The following SH3BP1 variants were observed in gnomAD, a reference collection of about 807,000 sequenced individuals.
The protein encoded by SH3BP1 is SH3 domain binding protein 1.
In SH3BP1, 46 loss-of-function variants were observed where a neutral mutation model predicts 69.8. The ratio of observed to expected loss-of-function variants is 0.66; its 90% CI spans 0.52 to 0.84. The LOEUF is 0.84. Ranked by LOEUF, SH3BP1 falls within the 40% of genes least tolerant of loss-of-function variation. The probability of loss-of-function intolerance (pLI) is 0.00; values close to 1 mark genes in which losing one functional copy is unlikely to be tolerated. For missense variants in SH3BP1, 868 were observed against 930.9 expected (o/e 0.93, Z 0.88); for synonymous variants, 403 against 378.0 (o/e 1.07, Z -0.77).
Position 37,650,525 on chromosome 22 carries a change from G to T in SH3BP1, c.1415-17G>T, listed in dbSNP as rs376669485. On this transcript the variant is annotated splice_polypyrimidine_tract_variant and intron_variant, in intron 15 of 17. Coordinates refer to ENST00000649765, the MANE Select transcript of SH3BP1 (RefSeq NM_018957.6). ...GGCGCGGTCTCTGAGAGCCGTCTCC[G>T]CTCCTTCTGTCTCCAGACATCAACT... is the stretch of plus-strand genomic sequence containing the variant. 12 of 1,599,820 alleles carry T rather than the reference G, an allele frequency of 7.5e-6. No individual in the cohort carries two copies. In the Admixed American group the frequency reaches 1.4e-4, roughly 18 times the overall value.
intron 4 of SH3BP1, 38 bp downstream of exon 4, chr22:37,642,653 C>T (rs1462306906): frequency 2.5e-6 from 4 of 1,612,708 alleles, no homozygotes; most frequent in Non-Finnish European, 3.4e-6. Flanking sequence ...CCTGGGGATA[C>T]CAAGACGTGA....
chr22:37,646,284 G>A (rs1233422069), intron 10 of SH3BP1, among the ~76,000 whole-genome samples: 1 of 137,222 alleles, frequency 7.3e-6, no homozygotes, highest in Admixed American at 7.2e-5. Context: ...TTTGAGACAG[G>A]ATCTCGCTCT....
chr22:37,646,073 T>C (rs1159420481), intron 10 of SH3BP1, among the ~76,000 whole-genome samples: 1 of 150,910 alleles, frequency 6.6e-6, no homozygotes, highest in Non-Finnish European at 1.5e-5. Flanking sequence ...TTCAAGCGAT[T>C]CTCCTGCCTC....
At chr22:37,639,908 G>C in intron 1 of SH3BP1, 62 bp downstream of exon 1, 2 of 1,315,480 alleles carry the variant, frequency 1.5e-6, no homozygotes, top group Non-Finnish European at 1.0e-6. Context: ...GTCGTAAAAG[G>C]GTCGGGGGAG....
At chr22:37,646,100 G>A (rs1231630056) in intron 10 of SH3BP1, among the ~76,000 whole-genome samples, 2 of 150,518 alleles carry the variant, frequency 1.3e-5, no homozygotes, top group Non-Finnish European at 2.9e-5. Context: ...ACAAGTAGCT[G>A]GGACTACAGG....
rs1280306271 is a variant in SH3BP1, at chr22:37,653,963, C to G, written c.1693+90C>G. On this transcript the variant is annotated intron_variant, in intron 17 of 17. Coordinates refer to ENST00000649765, the MANE Select transcript of SH3BP1 (RefSeq NM_018957.6). Reference sequence around the variant, plus strand: ...CAGGTCCTCCTATCTTTTTAGGCAGCCAGGGGAGGCCAGGAGTCAAGGTGA... The same window carrying G: ...CAGGTCCTCCTATCTTTTTAGGCAGGCAGGGGAGGCCAGGAGTCAAGGTGA... The G allele has an allele frequency of 6.7e-6, 6 of 898,956 alleles. No individual in the cohort carries two copies. The East Asian group carries it at 1.5e-4, about 23-fold the overall frequency. The allele number at this position is 898,956 out of a possible 1,614,324, so 55.7% of individuals were successfully genotyped here.
At position 37,655,438 on chromosome 22, in the gene SH3BP1, ACCCCCGTTAC is replaced by A; in HGVS notation, c.1866_1875del (p.Leu623HisfsTer32). ...GCAGCCTCCGAGCCCCCACAGTGCC[ACCCCCGTTAC>A]CCCCCACACCCCCTCAGCCTGCCCG... On this transcript the variant is annotated frameshift_variant, in exon 18 of 18. Coordinates refer to ENST00000649765, the MANE Select transcript of SH3BP1 (RefSeq NM_018957.6). LOFTEE classifies it low-confidence loss of function (END_TRUNC). 2.5e-6 allele frequency: 1 copy of A among 401,356 alleles called. No individual in the cohort carries two copies. The highest frequency in any genetic ancestry group is 3.5e-6 in the Non-Finnish European group (1 of 287,080). The allele number at this position is 401,356 out of a possible 1,614,324, so 24.9% of individuals were successfully genotyped here.
At position 37,641,173 on chromosome 22, in the gene SH3BP1, G is replaced by A. The variant is rs866153737; in HGVS notation, c.102+5G>A. 6.5e-7 allele frequency: 1 copy of A among 1,542,808 alleles called. No individual in the cohort carries two copies. The highest frequency in any genetic ancestry group is 1.2e-5 in the South Asian group (1 of 83,910). On this transcript the variant is annotated splice_donor_5th_base_variant and intron_variant, in intron 2 of 17. Coordinates refer to ENST00000649765, the MANE Select transcript of SH3BP1 (RefSeq NM_018957.6). ...CTGGGTGAGGACCTGCTGCAGGTAC[G>A]TGCCTGGGCCGGGCAGGTGGGAAGG...
intron 17 of SH3BP1, among the ~76,000 whole-genome samples, chr22:37,654,771 G>C (rs991527817): frequency 6.6e-6 from 1 of 151,996 alleles, no homozygotes; most frequent in Non-Finnish European, 1.5e-5. Context: ...ACAGCTCTGG[G>C]AGCCTCGTGA....
chr22:37,644,099 GC>G (rs1403147625), intron 7 of SH3BP1, among the ~76,000 whole-genome samples: 5 of 152,354 alleles, frequency 3.3e-5, no homozygotes, highest in East Asian at 3.9e-4. Context: ...ACTGTGCAAG[GC>G]CAGGCGCGGT....
In SH3BP1 at chr22:37,639,832, G is replaced by A. The variant is rs372881744; in HGVS notation, c.45G>A (p.Thr15=). 311 of 1,572,366 alleles carry A rather than the reference G, an allele frequency of 2.0e-4. No homozygotes were observed. The highest frequency in any genetic ancestry group is 2.5e-4 in the Non-Finnish European group (296 of 1,161,668). ...QLHRMRQLAQ[T]GSLGRTPETA... is the part of the protein sequence containing the mutation. Reference sequence around the variant, plus strand: ...ACCGCATGCGGCAGCTGGCCCAGACGGGCAGCTTGGGACGGTGAGTGTCAC... The same window carrying A: ...ACCGCATGCGGCAGCTGGCCCAGACAGGCAGCTTGGGACGGTGAGTGTCAC... The change falls in exon 1 of 18, where the codon ACG becomes ACA. Residue 15 remains threonine (T), a synonymous_variant. Coordinates refer to ENST00000649765, the MANE Select transcript of SH3BP1 (RefSeq NM_018957.6).
intron 7 of SH3BP1, among the ~76,000 whole-genome samples, chr22:37,644,069 T>C (rs1456015166): frequency 6.6e-6 from 1 of 152,160 alleles, no homozygotes; most frequent in Non-Finnish European, 1.5e-5. Context: ...AAAGAATGAC[T>C]GAATGGTGAA....
chr22:37,653,890 A>G lies in SH3BP1; in HGVS notation c.1693+17A>G, dbSNP rs1601591195. ...CTCGGAGGAGTGAGTTGGCTGTGGG[A>G]GGGGAGGAGGGGACAGAGGGTGGGC... is the stretch of plus-strand genomic sequence containing the variant. On this transcript the variant is annotated intron_variant, in intron 17 of 17. Transcript: ENST00000649765. The G allele has an allele frequency of 1.7e-6, 1 of 597,854 alleles. No individual in the cohort carries two copies. Among genetic ancestry groups the G allele is most frequent in the Non-Finnish European group, 2.9e-6 (1 of 350,046 alleles). 37.0% of individuals were successfully genotyped at this position (597,854 alleles called of 1,614,324 possible). A position where few individuals can be genotyped will look rare whatever the true frequency, so the allele number is the denominator to read the frequency against.
Position 37,655,533 on chromosome 22 carries a change from C to T in SH3BP1, c.1955C>T (p.Pro652Leu). 1.3e-6 allele frequency: 2 copies of T among 1,590,760 alleles called. No homozygotes were observed. Among genetic ancestry groups the T allele is most frequent in the East Asian group, 4.6e-5 (2 of 43,492 alleles). Residue 652 changes from proline to leucine, a missense_variant, in exon 18 of 18, where the codon CCC becomes CTC. Around this residue, in one of 3 missense-constraint regions of SH3BP1, gnomAD observed 474 missense variants for 462.3 expected, o/e 1.03. Transcript: ENST00000649765. ...CCGGCCTCCCCAGGTCCAGCCTCCC[C>T]CAGCCCAGTCTCTTTGAGTAACCCT... Reference protein sequence around the residue: ...PSPASPGPASPSPVSLSNPAQ... With the variant: ...PSPASPGPASLSPVSLSNPAQ...
rs377344130 is a variant in SH3BP1 at position 37,643,026 on chromosome 22, T to A, written c.396+20T>A. 148 of 1,611,162 alleles carry A rather than the reference T, an allele frequency of 9.2e-5. No homozygotes were observed. Among genetic ancestry groups the A allele is most frequent in the Non-Finnish European group, 1.2e-4 (142 of 1,178,304 alleles). On this transcript the variant is annotated intron_variant, in intron 5 of 17. Transcript: ENST00000649765. ...AGTGAGGTGAGCCTGTGCCCTGCTT[T>A]CAGCCCCCAGCTTCCCCAGCTTCTG...
At position 37,655,456 on chromosome 22, in the gene SH3BP1, AC is replaced by A; in HGVS notation, c.1883del (p.Pro628LeufsTer30). 2 of 333,904 alleles carry A rather than the reference AC, an allele frequency of 6.0e-6. No individual in the cohort carries two copies. Among genetic ancestry groups the A allele is most frequent in the East Asian group, 1.5e-4 (1 of 6,836 alleles). The allele number at this position is 333,904 out of a possible 1,614,324, so 20.7% of individuals were successfully genotyped here. A position where few individuals can be genotyped will look rare whatever the true frequency, so the allele number is the denominator to read the frequency against. On this transcript the variant is annotated frameshift_variant, in exon 18 of 18. Transcript: ENST00000649765. LOFTEE classifies it low-confidence loss of function (END_TRUNC). Reference protein sequence around the residue: ...PTVPPPLPPTPPQPARRQSRR... With the variant: ...PTVPPPLPPTXPQPARRQSRR... ...CAGTGCCACCCCCGTTACCCCCCACACCCCCTCAGCCTGCCCGGCGCCAAAG... is the reference window on the plus strand; with the variant it reads ...CAGTGCCACCCCCGTTACCCCCCACACCCCTCAGCCTGCCCGGCGCCAAAG...
At chr22:37,654,609 A>T (rs1932965502) in intron 17 of SH3BP1, among the ~76,000 whole-genome samples, 4 of 151,302 alleles carry the variant, frequency 2.6e-5, no homozygotes. Context: ...GCAGTGAAGG[A>T]GAGGAGGTGG....
rs1410126840 is a variant in SH3BP1 at position 37,641,002 on chromosome 22, TGG to T, written c.60-122_60-121del. ...TGGGCCACCCAGGGCAGGCCTCAGC[TGG>T]GAGGGACAGTGGAAGCACTGGGGTC... is the stretch of plus-strand genomic sequence containing the variant. On this transcript the variant is annotated intron_variant, in intron 1 of 17. Transcript: ENST00000649765. The T allele has an allele frequency of 4.2e-6, 3 of 716,182 alleles. No homozygotes were observed. The African/African-American group carries it at 5.3e-5, about 13-fold the overall frequency. 44.4% of individuals were successfully genotyped at this position (716,182 alleles called of 1,614,324 possible). A position where few individuals can be genotyped will look rare whatever the true frequency, so the allele number is the denominator to read the frequency against.
intron 14 of SH3BP1, chr22:37,648,895 G>C (rs1183774237): frequency 5.8e-6 from 1 of 172,040 alleles, no homozygotes; most frequent in Non-Finnish European, 1.3e-5. Flanking sequence ...AGTAGAGACA[G>C]GGTTTCACCG....
Sources: gnomAD v4.1 joint callset for allele counts (sites outside exome capture counted in the v4.1 genomes callset) on GRCh38, gnomAD v4.1.1 for gene constraint, gnomAD v4.1.1 regional missense constraint, MANE v1.5 for transcripts, NCBI Gene and HGNC (gene_info 2026-07-23, HGNC 2026-07-21) for gene names.